The following BNC2 variants were observed in gnomAD, a reference collection of about 807,000 sequenced individuals.
BNC2 encodes zinc finger protein basonuclin-2.
Under a neutral mutation model 76.3 loss-of-function variants are expected in BNC2, and 20 were observed. The ratio of observed to expected loss-of-function variants is 0.26; its 90% CI spans 0.18 to 0.38. The LOEUF is 0.38. Ranked by LOEUF, BNC2 falls within the 10% of genes least tolerant of loss-of-function variation. The pLI is 1.00. For synonymous variants in BNC2, 582 were observed against 514.8 expected, an observed-to-expected ratio of 1.13 and a Z score of -1.77; for missense variants, 1,382 against 1,399.8, an observed-to-expected ratio of 0.99 and a Z score of 0.20.
chr9:16,662,962 G>C (rs1176328892), intron 3 of BNC2, among the ~76,000 whole-genome samples: 3 of 152,060 alleles, frequency 2.0e-5, no homozygotes, highest in African/African-American at 7.2e-5. Flanking sequence ...AAAAAGGAAA[G>C]CTTATGATCT....
chr9:16,792,575 T>C (rs1238639225), intron 1 of BNC2, among the ~76,000 whole-genome samples: 3 of 152,196 alleles, frequency 2.0e-5, no homozygotes, highest in Non-Finnish European at 2.9e-5. Flanking sequence ...CCATTCCCAG[T>C]CTGCAGAAGG....
rs1820547263 is a variant in BNC2, at chr9:16,414,709, C to A, written c.*4280G>T. The stretch of plus-strand genomic sequence containing the variant: ...GTTAGGACTGCTCAGGTCAAGCTGT[C>A]AGCAGTTAGCAGCATGTCCATCTCA... On this transcript the variant is annotated 3_prime_UTR_variant, in exon 7 of 7. Coordinates refer to ENST00000380672, the MANE Select transcript of BNC2 (RefSeq NM_017637.6). 1 of 152,172 alleles carries A rather than the reference C, an allele frequency of 6.6e-6. No homozygotes were observed. The highest frequency in any genetic ancestry group is 1.5e-5 in the Non-Finnish European group (1 of 68,042). 9.4% of individuals were successfully genotyped at this position (152,172 alleles called of 1,614,324 possible). A position where few individuals can be genotyped will look rare whatever the true frequency, so the allele number is the denominator to read the frequency against.
At chr9:16,616,910 T>C (rs1202337237) in intron 3 of BNC2, among the ~76,000 whole-genome samples, 2 of 152,102 alleles carry the variant, frequency 1.3e-5, no homozygotes, top group South Asian at 2.1e-4. Flanking sequence ...TCCTCTTGTT[T>C]TGAACCATTC....
chr9:16,783,638 C>T (rs1469293816), intron 1 of BNC2, among the ~76,000 whole-genome samples: 2 of 152,206 alleles, frequency 1.3e-5, no homozygotes, highest in Admixed American at 1.3e-4. Context: ...CACTGCTTTA[C>T]ATTATTGACT....
intron 1 of BNC2, among the ~76,000 whole-genome samples, chr9:16,830,463 T>C (rs1315714014): frequency 6.6e-6 from 1 of 152,214 alleles, no homozygotes; most frequent in East Asian, 1.9e-4. Flanking sequence ...ACGTAAATAT[T>C]TGATATACTA....
intron 5 of BNC2, among the ~76,000 whole-genome samples, chr9:16,478,332 T>C (rs1160158047): frequency 1.3e-5 from 2 of 152,156 alleles, no homozygotes; most frequent in Admixed American, 6.5e-5. Flanking sequence ...GGTGATCACA[T>C]TTCAATTGCT....
chr9:16,506,714 C>CT (rs1340444427), intron 5 of BNC2, among the ~76,000 whole-genome samples: 1 of 148,118 alleles, frequency 6.8e-6, no homozygotes, highest in African/African-American at 2.5e-5. Flanking sequence ...TTAGTTGAGA[C>CT]GGGGTTTCAC....
At position 16,848,469 on chromosome 9, in the gene BNC2, G is replaced by A. The variant is rs572547650; in HGVS notation, c.3+22177C>T. The stretch of plus-strand genomic sequence containing the variant: ...TACTCCCACAGGAGTTACAGTACAT[G>A]ACAATGAATTATGAACCAAATCCCA... On this transcript the variant is annotated intron_variant, in intron 1 of 6. Coordinates refer to ENST00000380672, the MANE Select transcript of BNC2 (RefSeq NM_017637.6). Among the ~76,000 whole-genome samples the A allele has an allele frequency of 8.5e-5, 13 of 152,290 alleles. No homozygotes were observed. In the East Asian group the frequency reaches 2.3e-3, roughly 27 times the overall value.
intron 1 of BNC2, among the ~76,000 whole-genome samples, chr9:16,818,725 C>T (rs761652433): frequency 1.2e-4 from 18 of 152,236 alleles, no homozygotes; most frequent in Non-Finnish European, 2.6e-4. Flanking sequence ...TGAGGTCTCA[C>T]TAAGTTGCCC....
intron 3 of BNC2, among the ~76,000 whole-genome samples, chr9:16,652,581 T>C (rs1190308847): frequency 1.3e-5 from 2 of 152,218 alleles, no homozygotes; most frequent in Non-Finnish European, 2.9e-5. Context: ...CCTGTCTGCA[T>C]TATTTTACTT....
At chr9:16,677,103 T>C (rs1822665594) in intron 3 of BNC2, among the ~76,000 whole-genome samples, 4 of 152,210 alleles carry the variant, frequency 2.6e-5, no homozygotes, top group Non-Finnish European at 5.9e-5. Context: ...AATTTTTATG[T>C]GCTTGGCCAC....
At chr9:16,735,795 T>G (rs1407845179) in intron 2 of BNC2, among the ~76,000 whole-genome samples, 2 of 151,578 alleles carry the variant, frequency 1.3e-5, no homozygotes, top group Non-Finnish European at 2.9e-5. Flanking sequence ...TGAGCCACCA[T>G]GCCCAGCCAA....
In BNC2 at chr9:16,850,819, A is replaced by C. The variant is rs367960274; in HGVS notation, c.3+19827T>G. Among the ~76,000 whole-genome samples the C allele has an allele frequency of 7.5e-3, 1,134 of 151,932 alleles. 14 individuals are homozygous for C. Among genetic ancestry groups the C allele is most frequent in the Middle Eastern group, 0.027 (8 of 294 alleles). The stretch of plus-strand genomic sequence containing the variant: ...CTTCTAAAAAGTAAATAAAAAAAAA[A>C]ATCAAAAATAGAATTATCTTGTTTT... On this transcript the variant is annotated intron_variant, in intron 1 of 6. Transcript: ENST00000380672.
chr9:16,535,793 G>C (rs746481670), intron 5 of BNC2, among the ~76,000 whole-genome samples: 1 of 152,114 alleles, frequency 6.6e-6, no homozygotes, highest in Non-Finnish European at 1.5e-5. Context: ...GACTGGCTTT[G>C]GCTGATGGCA....
chr9:16,793,528 C>A (rs1586888669), intron 1 of BNC2, among the ~76,000 whole-genome samples: 1 of 152,166 alleles, frequency 6.6e-6, no homozygotes, highest in East Asian at 1.9e-4. Flanking sequence ...ATTACCCAGG[C>A]TGGCCTCAAG....
intron 5 of BNC2, among the ~76,000 whole-genome samples, chr9:16,502,301 T>TCACG (rs1822535453): frequency 6.6e-6 from 1 of 152,168 alleles, no homozygotes; most frequent in South Asian, 2.1e-4. Context: ...CGAGCTATGG[T>TCACG]CACGCCACTG....
chr9:16,465,351 G>A (rs906074268), intron 5 of BNC2, among the ~76,000 whole-genome samples: 3 of 143,576 alleles, frequency 2.1e-5, no homozygotes, highest in South Asian at 2.2e-4. Flanking sequence ...CATGAGAATC[G>A]CTTGAACCCA....
chr9:16,669,348 G>A (rs534957492), intron 3 of BNC2, among the ~76,000 whole-genome samples: 1 of 152,242 alleles, frequency 6.6e-6, no homozygotes, highest in East Asian at 1.9e-4. Flanking sequence ...GTTACATTTT[G>A]CCCTAAAGGT....
chr9:16,748,292 C>T (rs10962564), intron 1 of BNC2, among the ~76,000 whole-genome samples: 130,045 of 151,996 alleles, frequency 0.86, 56,096 homozygotes, highest in Non-Finnish European at 0.91. Flanking sequence ...GGCAGGAAGA[C>T]TGTTTGAGCC....
Sources: gnomAD v4.1 joint callset for allele counts (sites outside exome capture counted in the v4.1 genomes callset) on GRCh38, gnomAD v4.1.1 for gene constraint, MANE v1.5 for transcripts, NCBI Gene and HGNC (gene_info 2026-07-23, HGNC 2026-07-21) for gene names.